Variants in IGSF21 observed in about 807,000 individuals in gnomAD.
IGSF21 encodes immunoglobulin superfamily member 21.
IGSF21 carries 28 observed loss-of-function variants against 46.8 expected under a neutral mutation model. The ratio of observed to expected loss-of-function variants is 0.60; its 90% CI spans 0.44 to 0.82. The LOEUF (loss-of-function observed/expected upper bound fraction) is 0.82, where lower values mean the gene tolerates loss of function less well. Among genes scored for constraint, IGSF21 ranks in the 40% least tolerant of loss-of-function variants. The probability of loss-of-function intolerance (pLI) is 0.00; values close to 1 mark genes in which losing one functional copy is unlikely to be tolerated. For synonymous variants in IGSF21, 284 were observed against 273.6 expected (o/e 1.04, Z -0.38); for missense variants, 624 against 665.5 (o/e 0.94, Z 0.69).
At chr1:18,137,642 G>A (rs184113345) in intron 1 of IGSF21, among the ~76,000 whole-genome samples, 10 of 152,270 alleles carry the variant, frequency 6.6e-5, no homozygotes, top group Admixed American at 1.3e-4. Context: ...ACTTTGGGGG[G>A]ATGGAGACAT....
At chr1:18,216,714 A>G (rs569466671) in intron 1 of IGSF21, among the ~76,000 whole-genome samples, 1 of 151,892 alleles carries the variant, frequency 6.6e-6, no homozygotes, top group African/African-American at 2.4e-5. Flanking sequence ...GGCACTGCCC[A>G]CTCCTGGCCC....
intron 1 of IGSF21, among the ~76,000 whole-genome samples, chr1:18,149,028 C>T (rs77236083): frequency 0.033 from 4,981 of 152,280 alleles, 125 homozygotes; most frequent in East Asian, 0.076. Context: ...GTGTGTCTGG[C>T]GGCATCCCGG....
intron 2 of IGSF21, among the ~76,000 whole-genome samples, chr1:18,250,871 A>G (rs2084835250): frequency 6.6e-6 from 1 of 152,198 alleles, no homozygotes; most frequent in African/African-American, 2.4e-5. Flanking sequence ...TTAATTAATT[A>G]ATTAGCAAGA....
intron 1 of IGSF21, among the ~76,000 whole-genome samples, chr1:18,119,600 C>T (rs2086214994): frequency 6.6e-6 from 1 of 152,214 alleles, no homozygotes; most frequent in Non-Finnish European, 1.5e-5. Flanking sequence ...TTTCCTTTCT[C>T]AGATTGTCCT....
At chr1:18,190,234 A>G (rs2086942168) in intron 1 of IGSF21, among the ~76,000 whole-genome samples, 1 of 152,246 alleles carries the variant, frequency 6.6e-6, no homozygotes, top group Non-Finnish European at 1.5e-5. Flanking sequence ...CAGTGGATCC[A>G]CAGCCAGCTC....
At chr1:18,196,247 G>A (rs141274080) in intron 1 of IGSF21, among the ~76,000 whole-genome samples, 48 of 152,280 alleles carry the variant, frequency 3.2e-4, no homozygotes, top group African/African-American at 1.1e-3. Flanking sequence ...TATAATCCCC[G>A]AGAAAGATGC....
chr1:18,209,649 A>G (rs2084369688), intron 1 of IGSF21, among the ~76,000 whole-genome samples: 2 of 143,764 alleles, frequency 1.4e-5, no homozygotes, highest in Admixed American at 7.0e-5. Flanking sequence ...TTTAGTAGAG[A>G]CAGGGTTTCA....
chr1:18,122,193 C>CTTTTTTTT (rs766563472), intron 1 of IGSF21, among the ~76,000 whole-genome samples: 36 of 78,746 alleles, frequency 4.6e-4, no homozygotes, highest in African/African-American at 9.5e-4. Context: ...TTCTTTCTTT[C>CTTTTTTTT]TTTTTTTTTT....
intron 1 of IGSF21, among the ~76,000 whole-genome samples, chr1:18,128,443 C>T (rs2086291292): frequency 6.6e-6 from 1 of 152,152 alleles, no homozygotes; most frequent in Non-Finnish European, 1.5e-5. Context: ...ATGTTTGTAG[C>T]TGATTCCTTC....
intron 3 of IGSF21, among the ~76,000 whole-genome samples, chr1:18,320,529 A>G (rs1055878994): frequency 4.2e-4 from 64 of 152,292 alleles, no homozygotes; most frequent in African/African-American, 1.4e-3. Context: ...CGGGTCATCC[A>G]TCAGCTGACC....
chr1:18,330,195 T>C (rs1211574367), intron 3 of IGSF21, among the ~76,000 whole-genome samples: 4 of 152,116 alleles, frequency 2.6e-5, no homozygotes, highest in Non-Finnish European at 2.9e-5. Flanking sequence ...TAATCCACTT[T>C]AGAAAGAAAA....
At chr1:18,227,567 T>C (rs2084581064) in intron 1 of IGSF21, among the ~76,000 whole-genome samples, 2 of 151,664 alleles carry the variant, frequency 1.3e-5, no homozygotes, top group African/African-American at 4.9e-5. Context: ...AGAAATACAT[T>C]GAGGCTGTTC....
intron 2 of IGSF21, among the ~76,000 whole-genome samples, chr1:18,277,735 A>G (rs1315821377): frequency 6.6e-6 from 1 of 152,236 alleles, no homozygotes; most frequent in Non-Finnish European, 1.5e-5. Context: ...GCAGGGGTGG[A>G]TCTAAAAAAT....
intron 2 of IGSF21, among the ~76,000 whole-genome samples, chr1:18,243,250 A>C (rs559838414): frequency 1.6e-4 from 24 of 152,104 alleles, no homozygotes; most frequent in Non-Finnish European, 1.6e-4. Context: ...AAAGCTCTGC[A>C]TTTCTTCCCT....
intron 1 of IGSF21, among the ~76,000 whole-genome samples, chr1:18,181,879 G>C (rs903894389): frequency 1.3e-5 from 2 of 152,094 alleles, no homozygotes; most frequent in South Asian, 4.1e-4. Context: ...CACTGAGAGG[G>C]ACGGCGGGCT....
At chr1:18,140,102 G>T (rs578155302) in intron 1 of IGSF21, among the ~76,000 whole-genome samples, 60 of 152,126 alleles carry the variant, frequency 3.9e-4, no homozygotes, top group Non-Finnish European at 1.2e-4. Context: ...GCACCACCGT[G>T]CCTGGCTGAT....
intron 1 of IGSF21, among the ~76,000 whole-genome samples, chr1:18,132,581 C>G (rs2086331109): frequency 6.6e-6 from 1 of 152,180 alleles, no homozygotes; most frequent in Admixed American, 6.5e-5. Flanking sequence ...GAGATTTACC[C>G]CATGATTGCG....
intron 2 of IGSF21, among the ~76,000 whole-genome samples, chr1:18,232,981 A>C (rs2084642052): frequency 6.6e-6 from 1 of 152,156 alleles, no homozygotes. Context: ...GTCTGAACTC[A>C]TTTGGTTGGA....
chr1:18,125,769 GGAAGTAGTAACTGCTAT>G, intron 1 of IGSF21, among the ~76,000 whole-genome samples: 1 of 152,340 alleles, frequency 6.6e-6, no homozygotes, highest in South Asian at 2.1e-4. Context: ...GATAACGTAA[GGAAGTAGTAACTGCTAT>G]GAAGAAGACT....
Sources: allele counts gnomAD v4.1 joint callset (sites outside exome capture counted in the v4.1 genomes callset), GRCh38; gene constraint gnomAD v4.1.1; transcripts MANE v1.5; gene names NCBI Gene and HGNC (gene_info 2026-07-23, HGNC 2026-07-21).